The following AQP8 variants were observed in gnomAD, a reference collection of about 807,000 sequenced individuals.
AQP8 encodes aquaporin-8.
In AQP8, 14 loss-of-function variants were observed where a neutral mutation model predicts 26.1. The observed-to-expected ratio is 0.54, with a 90% confidence interval of 0.35 to 0.84. AQP8 has a LOEUF of 0.84. Ranked by LOEUF, AQP8 falls within the 40% of genes least tolerant of loss-of-function variation. AQP8 has a pLI of 0.01. For missense variants in AQP8, 301 were observed against 340.5 expected, an observed-to-expected ratio of 0.88 and a Z score of 0.91; for synonymous variants, 131 against 150.7, an observed-to-expected ratio of 0.87 and a Z score of 0.96.
chr16:25,217,437 G>T lies in AQP8; in HGVS notation c.252G>T (p.Gly84=), dbSNP rs768611659. 20 of 1,613,898 alleles carry T rather than the reference G, an allele frequency of 1.2e-5. No homozygotes were observed. The East Asian group carries it at 4.5e-4, about 36-fold the overall frequency. Residue 84 remains glycine, a synonymous_variant, in exon 2 of 6, where the codon GGG becomes GGT. Transcript: ENST00000219660. Reference sequence around the variant, plus strand: ...TGGGGCTCGTGATTGCCACGCTGGGGAATATCAGGTGAGACCAGCTCTGAG... The same window carrying T: ...TGGGGCTCGTGATTGCCACGCTGGGTAATATCAGGTGAGACCAGCTCTGAG... ...LALGLVIATL[G]NISGGHFNPA... is the part of the protein sequence containing the mutation.
chr16:25,224,273 G>A, intron 3 of AQP8, 89 bp from the exon 4 acceptor site: 6 of 1,228,234 alleles, frequency 4.9e-6, no homozygotes, highest in African/African-American at 1.5e-5. Flanking sequence ...GGCTCTTAAG[G>A]TGGGTAGCAT....
intron 2 of AQP8, among the ~76,000 whole-genome samples, chr16:25,217,763 A>C (rs1255373652): frequency 1.3e-5 from 2 of 152,220 alleles, no homozygotes; most frequent in Non-Finnish European, 2.9e-5. Flanking sequence ...CCTGGTCTCA[A>C]GCGATCCTCC....
intron 3 of AQP8, among the ~76,000 whole-genome samples, chr16:25,222,678 T>TGG (rs993454473): frequency 1.4e-4 from 21 of 150,170 alleles, no homozygotes; most frequent in South Asian, 2.1e-4. Context: ...GGTGTGTGTG[T>TGG]GGGGGGTGGT....
chr16:25,228,444 G>T lies in AQP8; in HGVS notation c.738G>T (p.Arg246Ser), dbSNP rs577380139. ...LAGLLVGLLI[R>S]CFIGDGKTRL... ...CCTTACTGGGTCATCTTTCTTGCAG[G>T]TGCTTCATTGGAGATGGGAAGACCC... The change falls in exon 6 of 6, where the codon AGG becomes AGT. Residue 246 changes from arginine (R) to serine (S), a missense_variant and splice_region_variant. Arg to Ser is a moderately radical substitution (Grantham distance 110, BLOSUM62 -1). Coordinates refer to ENST00000219660, the MANE Select transcript of AQP8 (RefSeq NM_001169.3). The T allele has an allele frequency of 4.3e-6, 7 of 1,613,926 alleles. No individual in the cohort carries two copies. The East Asian group carries it at 1.3e-4, about 31-fold the overall frequency.
In AQP8 at chr16:25,224,501, C is replaced by T. The variant is rs771463196; in HGVS notation, c.527C>T (p.Ala176Val). 2 of 1,614,090 alleles carry T rather than the reference C, an allele frequency of 1.2e-6. No homozygotes were observed. Among genetic ancestry groups the T allele is most frequent in the Admixed American group, 3.3e-5 (2 of 60,020 alleles). The change falls in exon 4 of 6, where the codon GCC (alanine) becomes GTC (valine). Residue 176 changes from alanine to valine, a missense_variant. Ala to Val is a moderately conservative substitution (Grantham distance 64, BLOSUM62 0). Coordinates refer to ENST00000219660, the MANE Select transcript of AQP8 (RefSeq NM_001169.3). ...CTGGCCCTGGCTGTATGCATGGGTG[C>T]CATCAATGAGAAGACAAAGGGCCCT... ...TLLALAVCMG[A>V]INEKTKGPLA...
intron 2 of AQP8, among the ~76,000 whole-genome samples, chr16:25,220,445 GGGCT>G (rs1387898116): frequency 6.6e-6 from 1 of 152,162 alleles, no homozygotes; most frequent in Non-Finnish European, 1.5e-5. Context: ...TCTGGGGCCT[GGGCT>G]GGTTGAACAT....
chr16:25,221,631 G>C, intron 3 of AQP8, 48 bp downstream of exon 3: 1 of 1,609,350 alleles, frequency 6.2e-7, no homozygotes, highest in Non-Finnish European at 8.5e-7. Context: ...TGATGGGGCT[G>C]CTGGAGGTGC....
chr16:25,217,571 A>T lies in AQP8; in HGVS notation c.260+126A>T, dbSNP rs928891779. 4.2e-5 allele frequency: 57 copies of T among 1,350,000 alleles called. No individual in the cohort carries two copies. In the Admixed American group the frequency reaches 7.7e-4, roughly 18 times the overall value. The allele number at this position is 1,350,000 out of a possible 1,614,324, so 83.6% of individuals were successfully genotyped here. A position where few individuals can be genotyped will look rare whatever the true frequency, so the allele number is the denominator to read the frequency against. On this transcript the variant is annotated intron_variant, in intron 2 of 5. Transcript: ENST00000219660. ...ATTTCAAGGAGCGCTCTGGATAACT[A>T]TGGGGTTGGGAGTCAGACTGGGGTC...
Position 25,217,062 on chromosome 16 carries a change from G to T in AQP8, c.12+5G>T, listed in dbSNP as rs1269594295. ...CTGATCCTGATGTCTGGAGAGGTGAGCCCTCTGTCGGCATCTTCCTCTCCA... is the reference window on the plus strand; with the variant it reads ...CTGATCCTGATGTCTGGAGAGGTGATCCCTCTGTCGGCATCTTCCTCTCCA... On this transcript the variant is annotated splice_donor_5th_base_variant and intron_variant, in intron 1 of 5. Coordinates refer to ENST00000219660, the MANE Select transcript of AQP8 (RefSeq NM_001169.3). 2 of 1,613,844 alleles carry T rather than the reference G, an allele frequency of 1.2e-6. No individual in the cohort carries two copies. The highest frequency in any genetic ancestry group is 2.7e-5 in the African/African-American group (2 of 74,926).
chr16:25,220,292 G>A (rs1962544106), intron 2 of AQP8, among the ~76,000 whole-genome samples: 1 of 152,144 alleles, frequency 6.6e-6, no homozygotes, highest in Non-Finnish European at 1.5e-5. Flanking sequence ...AAGTGACATG[G>A]GGAGTCTTGG....
At chr16:25,220,914 G>A (rs2141340444) in intron 2 of AQP8, among the ~76,000 whole-genome samples, 1 of 152,300 alleles carries the variant, frequency 6.6e-6, no homozygotes, top group Non-Finnish European at 1.5e-5. Flanking sequence ...AGCCAGGCGT[G>A]GTGGCACACA....
Position 25,217,402 on chromosome 16 carries a change from G to C in AQP8, c.217G>C (p.Gly73Arg). The change falls in exon 2 of 6, where the codon GGG becomes CGG. Residue 73 changes from glycine to arginine, a missense_variant. Transcript: ENST00000219660. ...GCTGCTGCAGCCGGCCCTGGCCCAC[G>C]GGCTGGCTTTGGGGCTCGTGATTGC... ...TGLLQPALAH[G>R]LALGLVIATL... 6.2e-7 allele frequency: 1 copy of C among 1,614,150 alleles called. No individual in the cohort carries two copies. Among genetic ancestry groups the C allele is most frequent in the South Asian group, 1.1e-5 (1 of 91,078 alleles).
At chr16:25,223,548 TA>T (rs35470943) in intron 3 of AQP8, among the ~76,000 whole-genome samples, 93,025 of 151,454 alleles carry the variant, frequency 0.61, 29,519 homozygotes, top group African/African-American at 0.79. Flanking sequence ...CAAAAAATTT[TA>T]AAAAAAACAT....
intron 5 of AQP8, among the ~76,000 whole-genome samples, chr16:25,227,556 T>A (rs1321519425): frequency 2.0e-5 from 3 of 152,034 alleles, no homozygotes; most frequent in Non-Finnish European, 4.4e-5. Flanking sequence ...GTGGTGTGAT[T>A]CTGGCTTATT....
rs1041864700 is a variant in AQP8 at position 25,222,954 on chromosome 16, G to A, written c.387+1371G>A. On this transcript the variant is annotated intron_variant, in intron 3 of 5. Transcript: ENST00000219660. ...TGTCAAACATGGTTCTGACAGCTGC[G>A]GGGCAGCAGGGTTCCCTAAGCACAT... 2.3e-4 allele frequency among the ~76,000 whole-genome samples: 35 copies of A among 152,306 alleles called. 1 individual carries two copies. In the Middle Eastern group the frequency reaches 0.01, roughly 44 times the overall value.
chr16:25,228,416 A>G, intron 5 of AQP8, 28 bp from the exon 6 acceptor site: 1 of 1,613,496 alleles, frequency 6.2e-7, no homozygotes, highest in Non-Finnish European at 8.5e-7. Flanking sequence ...TCCGGGGCAG[A>G]GACCTTACTG....
chr16:25,222,230 T>C (rs1206750834), intron 3 of AQP8, among the ~76,000 whole-genome samples: 1 of 152,194 alleles, frequency 6.6e-6, no homozygotes, highest in Non-Finnish European at 1.5e-5. Flanking sequence ...CACACCCAAC[T>C]AATTTCCTCT....
chr16:25,223,794 C>CATGACTGG (rs1962594434), intron 3 of AQP8, among the ~76,000 whole-genome samples: 1 of 151,780 alleles, frequency 6.6e-6, no homozygotes, highest in African/African-American at 2.4e-5. Flanking sequence ...AACCTGGAGC[C>CATGACTGG]ATGACTGGGT....
At chr16:25,219,481 TG>T (rs1324498007) in intron 2 of AQP8, among the ~76,000 whole-genome samples, 1 of 151,484 alleles carries the variant, frequency 6.6e-6, no homozygotes, top group East Asian at 1.9e-4. Context: ...GAACAATGAA[TG>T]AATGAATGAA....
Sources: allele counts gnomAD v4.1 joint callset (sites outside exome capture counted in the v4.1 genomes callset), GRCh38; gene constraint gnomAD v4.1.1; transcripts MANE v1.5; gene names NCBI Gene and HGNC (gene_info 2026-07-23, HGNC 2026-07-21).